Variants in OR51B5 observed in about 807,000 individuals in gnomAD.
The protein encoded by OR51B5 is olfactory receptor family 51 subfamily B member 5.
For missense variants in OR51B5, 456 were observed against 374.6 expected (o/e 1.22, Z -1.79); for synonymous variants, 186 against 144.8 (o/e 1.28, Z -2.04).
chr11:5,417,756 T>C (rs1362073504), intron 1 of OR51B5, among the ~76,000 whole-genome samples: 1 of 149,150 alleles, frequency 6.7e-6, no homozygotes, highest in Non-Finnish European at 1.5e-5. Context: ...ATGGCAATCA[T>C]TAAAAAGTCA....
chr11:5,422,005 G>A, intron 1 of OR51B5: 1 of 547,364 alleles, frequency 1.8e-6, no homozygotes, highest in Non-Finnish European at 3.2e-6. Flanking sequence ...AGCTGTGTGG[G>A]AGCAGTCTGC....
intron 1 of OR51B5, among the ~76,000 whole-genome samples, chr11:5,389,041 A>G (rs1482182015): frequency 6.6e-6 from 1 of 152,194 alleles, no homozygotes; most frequent in Non-Finnish European, 1.5e-5. Flanking sequence ...GTTATTTATC[A>G]ATATATGGAT....
At chr11:5,465,495 A>C (rs1260014786) in intron 1 of OR51B5, among the ~76,000 whole-genome samples, 2 of 151,834 alleles carry the variant, frequency 1.3e-5, no homozygotes, top group Non-Finnish European at 2.9e-5. Context: ...AGCCCCCATC[A>C]CCAAGGCAAT....
chr11:5,475,830 C>T (rs1473046708), intron 1 of OR51B5, among the ~76,000 whole-genome samples: 1 of 152,190 alleles, frequency 6.6e-6, no homozygotes, highest in Non-Finnish European at 1.5e-5. Context: ...ATTCCTTCCA[C>T]AAGCTTTTGC....
In OR51B5 at chr11:5,486,824, T is replaced by C. The variant is rs116325474; in HGVS notation, n.84+18745A>G. Among the ~76,000 whole-genome samples the C allele has an allele frequency of 3.6e-3, 544 of 152,274 alleles. 3 individuals are homozygous for C. The highest frequency in any genetic ancestry group is 0.013 in the African/African-American group (520 of 41,566). On this transcript the variant is annotated intron_variant and non_coding_transcript_variant, in intron 1 of 4. Coordinates refer to the OR51B5 transcript ENST00000415970. Reference sequence around the variant, plus strand: ...AACACCATCGGTCATCAGTTATCTTTACTGCAGTAAAATCGTGTTTCTTTG... The same window carrying C: ...AACACCATCGGTCATCAGTTATCTTCACTGCAGTAAAATCGTGTTTCTTTG...
At chr11:5,488,598 G>T (rs1274005523) in intron 1 of OR51B5, 1 of 882,608 alleles carries the variant, frequency 1.1e-6, no homozygotes, top group Non-Finnish European at 1.7e-6. Context: ...GTCTAAAAAA[G>T]ATTATTTCAC....
intron 1 of OR51B5, among the ~76,000 whole-genome samples, chr11:5,490,680 T>C (rs1220226600): frequency 6.6e-6 from 1 of 152,184 alleles, no homozygotes; most frequent in Non-Finnish European, 1.5e-5. Flanking sequence ...ACTAATAGCC[T>C]AAGGTTATGG....
intron 1 of OR51B5, chr11:5,455,363 A>G (rs1368227872): frequency 6.6e-6 from 1 of 151,798 alleles, no homozygotes; most frequent in Non-Finnish European, 1.5e-5. Flanking sequence ...GCAAAAAAAA[A>G]AAGCCTAGGA....
At chr11:5,418,705 G>C (rs1021677051) in intron 1 of OR51B5, among the ~76,000 whole-genome samples, 1 of 147,224 alleles carries the variant, frequency 6.8e-6, no homozygotes, top group African/African-American at 2.5e-5. Flanking sequence ...AGCGAGGGGA[G>C]CATCACACAC....
intron 1 of OR51B5, among the ~76,000 whole-genome samples, chr11:5,427,973 G>A (rs1008092875): frequency 6.6e-6 from 1 of 152,006 alleles, no homozygotes; most frequent in Non-Finnish European, 1.5e-5. Context: ...AGAGGAAAAA[G>A]GTACTGATGT....
At chr11:5,376,844 G>A (rs939417494) in intron 1 of OR51B5, among the ~76,000 whole-genome samples, 7 of 147,880 alleles carry the variant, frequency 4.7e-5, no homozygotes, top group African/African-American at 1.0e-4. Context: ...AAAGAGTCCA[G>A]GACCAGATGG....
At position 5,384,814 on chromosome 11, in the gene OR51B5, A is replaced by G. The variant is rs181440171; in HGVS notation, n.85-37904T>C. 2.6e-5 allele frequency among the ~76,000 whole-genome samples: 4 copies of G among 152,344 alleles called. No homozygotes were observed. In the East Asian group the frequency reaches 7.7e-4, roughly 29 times the overall value. On this transcript the variant is annotated intron_variant and non_coding_transcript_variant, in intron 1 of 4. Transcript: ENST00000415970. ...TTGTAACTTCCCCAGTATCCAGGAT[A>G]TGGCCTTCGCCTTCCAAAATCCTCC...
chr11:5,427,270 G>A (rs1478814924), intron 1 of OR51B5, among the ~76,000 whole-genome samples: 2 of 152,218 alleles, frequency 1.3e-5, no homozygotes, highest in Non-Finnish European at 2.9e-5. Flanking sequence ...TAATCTGTCT[G>A]TTGTCAGTCA....
At chr11:5,421,621 G>T (rs563062411) in intron 1 of OR51B5, among the ~76,000 whole-genome samples, 1 of 152,124 alleles carries the variant, frequency 6.6e-6, no homozygotes, top group East Asian at 1.9e-4. Context: ...ATTAGCTAAT[G>T]AGAATAGGAC....
At chr11:5,355,156 C>T in intron 1 of OR51B5, 1 of 172,568 alleles carries the variant, frequency 5.8e-6, no homozygotes, top group Admixed American at 6.1e-5. Context: ...CTCAACAGAG[C>T]TTCAGGAGGA....
chr11:5,412,451 G>A (rs1321989447), intron 1 of OR51B5, among the ~76,000 whole-genome samples: 2 of 152,140 alleles, frequency 1.3e-5, no homozygotes, highest in Admixed American at 6.5e-5. Flanking sequence ...AGGTCAGTGG[G>A]TGCAGCGTAC....
chr11:5,441,636 G>A, intron 1 of OR51B5: 1 of 728,084 alleles, frequency 1.4e-6, no homozygotes, highest in South Asian at 1.8e-5. Flanking sequence ...CTGTATTCCT[G>A]CCTTCCCAGT....
At chr11:5,505,286 C>A in intron 1 of OR51B5, 1 of 1,294,474 alleles carries the variant, frequency 7.7e-7, no homozygotes. Context: ...TCTGGACTTC[C>A]AAGGATGGAA....
chr11:5,447,374 C>T (rs1850781608), intron 1 of OR51B5, among the ~76,000 whole-genome samples: 1 of 152,142 alleles, frequency 6.6e-6, no homozygotes, highest in South Asian at 2.1e-4. Flanking sequence ...TTCCAGCTTC[C>T]ACTGGTTGGG....
Sources: gnomAD v4.1 joint callset for allele counts (sites outside exome capture counted in the v4.1 genomes callset) on GRCh38, gnomAD v4.1.1 for gene constraint, MANE v1.5 for transcripts, NCBI Gene and HGNC (gene_info 2026-07-23, HGNC 2026-07-21) for gene names.